Variants in TMIGD3 observed in about 807,000 individuals in gnomAD.
TMIGD3 encodes the protein AD026 protein (AD026).
In TMIGD3, 21 loss-of-function variants were observed where a neutral mutation model predicts 28.1. The observed-to-expected ratio is 0.75, with a 90% CI of 0.53 to 1.08. The LOEUF is 1.08. TMIGD3 is among the 50% of genes least tolerant of loss of function. The probability of loss-of-function intolerance (pLI) is 0.00; values close to 1 mark genes in which losing one functional copy is unlikely to be tolerated. For missense variants in TMIGD3, 416 were observed against 435.6 expected (o/e 0.96, Z 0.40); for synonymous variants, 151 against 162.1 (o/e 0.93, Z 0.52).
intron 1 of TMIGD3, among the ~76,000 whole-genome samples, chr1:111,553,324 T>C (rs1238316528): frequency 1.3e-5 from 2 of 152,248 alleles, no homozygotes; most frequent in Admixed American, 6.5e-5. Flanking sequence ...TCATGACATA[T>C]ACAGCATTGA....
At chr1:111,500,215 G>A (rs368097175) in intron 1 of TMIGD3, 33 of 1,614,010 alleles carry the variant, frequency 2.0e-5, no homozygotes, top group Non-Finnish European at 2.6e-5. Context: ...CAGAAACAAG[G>A]ACTTAGCCGT....
chr1:111,509,149 C>T (rs182816030), intron 1 of TMIGD3, among the ~76,000 whole-genome samples: 2 of 152,322 alleles, frequency 1.3e-5, no homozygotes, highest in Admixed American at 6.5e-5. Context: ...TCCTGGTCTC[C>T]TCGCTTAAGA....
At chr1:111,521,242 C>T (rs914175656) in intron 1 of TMIGD3, among the ~76,000 whole-genome samples, 1 of 152,100 alleles carries the variant, frequency 6.6e-6, no homozygotes, top group African/African-American at 2.4e-5. Flanking sequence ...ATAAAGTTGT[C>T]ATAAATATTT....
intron 1 of TMIGD3, among the ~76,000 whole-genome samples, chr1:111,526,978 G>A (rs920135868): frequency 2.5e-5 from 3 of 122,006 alleles, no homozygotes; most frequent in African/African-American, 8.9e-5. Context: ...TTTTCAGTTT[G>A]TAATATACAT....
In TMIGD3 at chr1:111,524,688, C is replaced by T. The variant is rs564451999; in HGVS notation, c.108-33926G>A. Among the ~76,000 whole-genome samples the T allele has an allele frequency of 2.3e-3, 356 of 152,280 alleles. 3 individuals are homozygous for T. The highest frequency in any genetic ancestry group is 0.02 in the Middle Eastern group (6 of 294). On this transcript the variant is annotated intron_variant, in intron 1 of 5. Coordinates refer to the TMIGD3 transcript ENST00000369717. Reference sequence around the variant, plus strand: ...AGGCTGGAGTGCGGTGGCATGATCTCGGCTTGCTGCAACCTCCGCCTCCCG... The same window carrying T: ...AGGCTGGAGTGCGGTGGCATGATCTTGGCTTGCTGCAACCTCCGCCTCCCG...
At chr1:111,498,546 A>C (rs1654996285) in intron 1 of TMIGD3, among the ~76,000 whole-genome samples, 2 of 152,232 alleles carry the variant, frequency 1.3e-5, no homozygotes, top group Non-Finnish European at 2.9e-5. Context: ...TTTGGGCTTT[A>C]ATGTTACAAG....
chr1:111,528,329 A>G (rs1018992394), intron 1 of TMIGD3, among the ~76,000 whole-genome samples: 1 of 152,116 alleles, frequency 6.6e-6, no homozygotes, highest in Non-Finnish European at 1.5e-5. Context: ...GACCATATTT[A>G]TATGTGTCTA....
chr1:111,557,057 T>C (rs187339406), intron 1 of TMIGD3, among the ~76,000 whole-genome samples: 2 of 152,232 alleles, frequency 1.3e-5, no homozygotes, highest in African/African-American at 4.8e-5. Flanking sequence ...CTAGACACTT[T>C]GTAAAATGTC....
chr1:111,518,927 G>T (rs1245531794), intron 1 of TMIGD3, among the ~76,000 whole-genome samples: 1 of 151,870 alleles, frequency 6.6e-6, no homozygotes, highest in Non-Finnish European at 1.5e-5. Context: ...TTTTTTGTTT[G>T]TTTGTTTGTT....
intron 1 of TMIGD3, among the ~76,000 whole-genome samples, chr1:111,541,726 A>G (rs1250163882): frequency 6.6e-6 from 1 of 152,112 alleles, no homozygotes; most frequent in Non-Finnish European, 1.5e-5. Context: ...GCAGGAGGCT[A>G]AAGCAGACCC....
chr1:111,529,506 G>C (rs2101012209), intron 1 of TMIGD3, among the ~76,000 whole-genome samples: 1 of 149,336 alleles, frequency 6.7e-6, no homozygotes, highest in Non-Finnish European at 1.5e-5. Flanking sequence ...CTAGGCAGAG[G>C]ACCCTGCGGC....
intron 1 of TMIGD3, among the ~76,000 whole-genome samples, chr1:111,492,516 A>T (rs1442578787): frequency 6.6e-6 from 1 of 152,136 alleles, no homozygotes; most frequent in Non-Finnish European, 1.5e-5. Flanking sequence ...AATGCCCAAG[A>T]CATGAAAAAG....
At chr1:111,531,177 C>T (rs569609772) in intron 1 of TMIGD3, among the ~76,000 whole-genome samples, 74 of 151,912 alleles carry the variant, frequency 4.9e-4, no homozygotes, top group Non-Finnish European at 8.5e-4. Flanking sequence ...ACTCTGGAGG[C>T]TGAGGTGGGA....
chr1:111,559,759 T>G (rs1006643520), intron 1 of TMIGD3, among the ~76,000 whole-genome samples: 1 of 152,226 alleles, frequency 6.6e-6, no homozygotes, highest in African/African-American at 2.4e-5. Context: ...AAACTTTCCT[T>G]CCTTCAATTG....
chr1:111,555,373 A>AAT (rs1329019120), intron 1 of TMIGD3, among the ~76,000 whole-genome samples: 11 of 150,500 alleles, frequency 7.3e-5, no homozygotes, highest in African/African-American at 2.4e-4. Flanking sequence ...AAAAAAAAAA[A>AAT]AAAAAAAAAA....
chr1:111,537,483 A>C (rs754275558), intron 1 of TMIGD3, among the ~76,000 whole-genome samples: 1 of 152,248 alleles, frequency 6.6e-6, no homozygotes, highest in Non-Finnish European at 1.5e-5. Flanking sequence ...AACAGCAATC[A>C]TGACACAAAA....
At chr1:111,536,182 C>T (rs535418302) in intron 1 of TMIGD3, among the ~76,000 whole-genome samples, 1 of 152,028 alleles carries the variant, frequency 6.6e-6, no homozygotes, top group East Asian at 1.9e-4. Flanking sequence ...TTTCTCTGCT[C>T]ACATCGGAGG....
chr1:111,507,049 A>G (rs1450910655), upstream of TMIGD3, among the ~76,000 whole-genome samples: 3,301 of 96,170 alleles, frequency 0.034, 106 homozygotes, highest in East Asian at 0.18. Context: ...GTATATATAT[A>G]TATATATATA....
chr1:111,553,514 G>A (rs764015847), intron 1 of TMIGD3, among the ~76,000 whole-genome samples: 12 of 152,216 alleles, frequency 7.9e-5, no homozygotes, highest in Middle Eastern at 3.4e-3. Flanking sequence ...AAAATCTCCA[G>A]TGTTTCAGCT....
Sources: gnomAD v4.1 joint callset for allele counts (sites outside exome capture counted in the v4.1 genomes callset) on GRCh38, gnomAD v4.1.1 for gene constraint, MANE v1.5 for transcripts, NCBI Gene and HGNC (gene_info 2026-07-23, HGNC 2026-07-21) for gene names.